ABI3BP: variants seen among roughly 807,000 people sequenced by gnomAD.
The protein encoded by ABI3BP is ABI family member 3 binding protein.
A neutral mutation model predicts 268.6 loss-of-function variants in ABI3BP; 216 were observed. The ratio of observed to expected loss-of-function variants is 0.80; its 90% confidence interval spans 0.72 to 0.90. ABI3BP has a LOEUF of 0.90. Ranked by LOEUF, ABI3BP falls within the 40% of genes least tolerant of loss-of-function variation. The probability of loss-of-function intolerance (pLI) is 0.00; values close to 1 mark genes in which losing one functional copy is unlikely to be tolerated. For missense variants in ABI3BP, 2,090 were observed against 2,182.4 expected (o/e 0.96, Z 0.84); for synonymous variants, 730 against 730.0 (o/e 1.00, Z 0.00).
intron 1 of ABI3BP, 51 bp downstream of exon 1, chr3:100,993,255 A>T: frequency 8.0e-7 from 1 of 1,257,490 alleles, no homozygotes; most frequent in Non-Finnish European, 1.1e-6. Flanking sequence ...ACATTTAAAA[A>T]CATCTATATC....
chr3:100,779,782 T>A (rs943275160), intron 58 of ABI3BP, among the ~76,000 whole-genome samples: 1 of 152,136 alleles, frequency 6.6e-6, no homozygotes, highest in Non-Finnish European at 1.5e-5. Flanking sequence ...AAAAAAAAAT[T>A]GTAATAAATT....
chr3:100,771,881 C>T (rs2096556352), intron 61 of ABI3BP, among the ~76,000 whole-genome samples: 1 of 152,048 alleles, frequency 6.6e-6, no homozygotes, highest in Non-Finnish European at 1.5e-5. Context: ...TATGATAAAA[C>T]TTCTAAACCC....
chr3:100,907,352 T>C (rs573463861), intron 2 of ABI3BP, among the ~76,000 whole-genome samples: 2 of 152,144 alleles, frequency 1.3e-5, no homozygotes, highest in East Asian at 1.9e-4. Flanking sequence ...AAATTATCCA[T>C]GCATTGTGAT....
At chr3:100,965,003 T>C (rs759029537) in intron 1 of ABI3BP, among the ~76,000 whole-genome samples, 23 of 152,000 alleles carry the variant, frequency 1.5e-4, no homozygotes, top group African/African-American at 3.4e-4. Context: ...TAAATTTTTG[T>C]ATTAATAAGG....
At chr3:100,779,029 G>A (rs930541491) in intron 58 of ABI3BP, among the ~76,000 whole-genome samples, 1 of 152,126 alleles carries the variant, frequency 6.6e-6, no homozygotes, top group Non-Finnish European at 1.5e-5. Context: ...ATTATCCCCA[G>A]CTGCCTTTTA....
In ABI3BP at chr3:100,941,747, A is replaced by G. The variant is rs560427904; in HGVS notation, c.80-15266T>C. Among the ~76,000 whole-genome samples, 11 of 152,308 alleles carry G rather than the reference A, an allele frequency of 7.2e-5. No homozygotes were observed. In the East Asian group the frequency reaches 1.9e-3, roughly 27 times the overall value. ...CAAAGGAGCAGTAACTACATTACTG[A>G]CTTTGTAACCCAACCAACAGCCAAG... On this transcript the variant is annotated intron_variant, in intron 1 of 67. Transcript: ENST00000471714.
chr3:100,882,460 A>ATATT lies in ABI3BP; in HGVS notation c.696+3075_696+3076insAATA, dbSNP rs1554053818. Among the ~76,000 whole-genome samples, 1,436 of 148,690 alleles carry ATATT rather than the reference A, an allele frequency of 9.7e-3. 20 individuals carry two copies. The highest frequency in any genetic ancestry group is 0.031 in the African/African-American group (1,264 of 40,816). On this transcript the variant is annotated intron_variant, in intron 6 of 67. Coordinates refer to ENST00000471714, the MANE Select transcript of ABI3BP (RefSeq NM_001375547.2). ...ATATATATATAATATATATATATAT[A>ATATT]TTTTTTTTGCTGTCCAGAAGGAAAC...
chr3:100,751,724 T>C, intron 66 of ABI3BP, 50 bp from the exon 67 acceptor site: 1 of 1,506,738 alleles, frequency 6.6e-7, no homozygotes, highest in Non-Finnish European at 8.9e-7. Context: ...TACTTTGAAA[T>C]GTGACAATTT....
intron 31 of ABI3BP, among the ~76,000 whole-genome samples, chr3:100,831,607 A>C (rs901409231): frequency 6.6e-6 from 1 of 152,072 alleles, no homozygotes; most frequent in Admixed American, 6.6e-5. Context: ...TAGACATCCC[A>C]GCCCCCTTTA....
chr3:100,755,648 A>C, intron 63 of ABI3BP, among the ~76,000 whole-genome samples: 1 of 152,244 alleles, frequency 6.6e-6, no homozygotes, highest in East Asian at 1.9e-4. Context: ...CAGTATTAGC[A>C]ATTTTTATTC....
At chr3:100,823,374 C>G in intron 37 of ABI3BP, 84 bp downstream of exon 37, 1 of 1,205,056 alleles carries the variant, frequency 8.3e-7, no homozygotes. Context: ...TCAAGAATGA[C>G]ACTGTTGTCT....
At chr3:100,934,309 A>G (rs2065021807) in intron 1 of ABI3BP, among the ~76,000 whole-genome samples, 1 of 152,092 alleles carries the variant, frequency 6.6e-6, no homozygotes, top group Non-Finnish European at 1.5e-5. Flanking sequence ...AAAGGACATG[A>G]ACTCATCCTT....
At chr3:100,842,558 A>G (rs1031744772) in intron 20 of ABI3BP, among the ~76,000 whole-genome samples, 12 of 152,354 alleles carry the variant, frequency 7.9e-5, no homozygotes, top group Admixed American at 7.8e-4. Flanking sequence ...ATTCACTAGT[A>G]TCTATCGCTG....
intron 1 of ABI3BP, among the ~76,000 whole-genome samples, chr3:100,978,604 T>C (rs1342746393): frequency 6.6e-6 from 1 of 152,184 alleles, no homozygotes; most frequent in Admixed American, 6.5e-5. Flanking sequence ...TTTCTAATTA[T>C]AAAAGGCAGC....
intron 63 of ABI3BP, among the ~76,000 whole-genome samples, chr3:100,760,251 A>G (rs1413929622): frequency 6.6e-6 from 1 of 152,240 alleles, no homozygotes; most frequent in African/African-American, 2.4e-5. Context: ...ATAGGAAATT[A>G]TTAGACCACA....
At position 100,838,428 on chromosome 3, in the gene ABI3BP, CTG is replaced by C; in HGVS notation, c.1980_1981del (p.His660GlnfsTer20). The stretch of plus-strand genomic sequence containing the variant: ...AGGCTGAATTTGAGGTGCATCTGGT[CTG>C]TGTGTGGTTTTAGGTCTCTCAGATG... On this transcript the variant is annotated frameshift_variant, in exon 25 of 68. Transcript: ENST00000471714. LOFTEE classifies it high-confidence loss of function. The C allele has an allele frequency of 1.3e-6, 2 of 1,535,748 alleles. No individual in the cohort carries two copies. The highest frequency in any genetic ancestry group is 1.7e-6 in the Non-Finnish European group (2 of 1,146,714).
chr3:100,915,734 A>C (rs1478248544), intron 2 of ABI3BP, among the ~76,000 whole-genome samples: 1 of 152,204 alleles, frequency 6.6e-6, no homozygotes, highest in Admixed American at 6.5e-5. Context: ...AAGGTCCTTT[A>C]AGTGCACTGG....
intron 2 of ABI3BP, among the ~76,000 whole-genome samples, chr3:100,924,125 A>C (rs1180773361): frequency 6.6e-6 from 1 of 152,166 alleles, no homozygotes; most frequent in East Asian, 1.9e-4. Context: ...GGAAGCAACC[A>C]GTTCCATATT....
intron 9 of ABI3BP, among the ~76,000 whole-genome samples, chr3:100,872,256 T>C (rs1432716364): frequency 1.3e-5 from 2 of 152,230 alleles, no homozygotes; most frequent in Non-Finnish European, 2.9e-5. Context: ...ATTTTTTCTT[T>C]ATTAAAATAA....
Sources: gnomAD v4.1 joint callset for allele counts (sites outside exome capture counted in the v4.1 genomes callset) on GRCh38, gnomAD v4.1.1 for gene constraint, MANE v1.5 for transcripts, NCBI Gene and HGNC (gene_info 2026-07-23, HGNC 2026-07-21) for gene names.